The following ABCB5 variants were observed in gnomAD, a reference collection of about 807,000 sequenced individuals.
ABCB5 encodes ATP-binding cassette sub-family B member 5.
In ABCB5, 155 loss-of-function variants were observed where a neutral mutation model predicts 144.2. The observed-to-expected ratio is 1.08, with a 90% CI of 0.94 to 1.23. The LOEUF (loss-of-function observed/expected upper bound fraction) is 1.23. Among genes scored for constraint, ABCB5 ranks in the 50% most tolerant of loss-of-function variants. The probability of loss-of-function intolerance (pLI) is 0.00; values close to 1 mark genes in which losing one functional copy is unlikely to be tolerated. For synonymous variants in ABCB5, 610 were observed against 528.6 expected (o/e 1.15, Z -2.11); for missense variants, 1,830 against 1,520.8 (o/e 1.20, Z -3.38).
At chr7:20,651,334 C>T (rs893804052) in intron 12 of ABCB5, 86 bp from the exon 13 acceptor site, 56 of 1,183,664 alleles carry the variant, frequency 4.7e-5, no homozygotes, top group Admixed American at 1.5e-4. Flanking sequence ...TGCTACTTCT[C>T]AGCTTATATT....
At chr7:20,659,230 C>A (rs1784916312) in intron 14 of ABCB5, 1 of 1,559,518 alleles carries the variant, frequency 6.4e-7, no homozygotes, top group Non-Finnish European at 8.7e-7. Context: ...TGTGGCCCTG[C>A]ACCAAATTAC....
intron 20 of ABCB5, among the ~76,000 whole-genome samples, 171 bp from the exon 21 acceptor site, chr7:20,722,845 A>G (rs1781916478): frequency 6.6e-6 from 1 of 152,108 alleles, no homozygotes; most frequent in Admixed American, 6.5e-5. Flanking sequence ...AAATAAGTAA[A>G]TAAATAAAAA....
intron 13 of ABCB5, among the ~76,000 whole-genome samples, chr7:20,653,162 C>G (rs1386118720): frequency 6.6e-6 from 1 of 152,220 alleles, no homozygotes; most frequent in Non-Finnish European, 1.5e-5. Flanking sequence ...TCTGATGCCT[C>G]TTAAATCATA....
chr7:20,695,082 T>TA (rs1583431398), intron 16 of ABCB5, among the ~76,000 whole-genome samples: 1 of 151,996 alleles, frequency 6.6e-6, no homozygotes, highest in Non-Finnish European at 1.5e-5. Context: ...AAATTTTTTT[T>TA]AAAAAGAGCA....
chr7:20,642,968 A>G (rs974541674), intron 5 of ABCB5, among the ~76,000 whole-genome samples: 1 of 152,206 alleles, frequency 6.6e-6, no homozygotes, highest in Non-Finnish European at 1.5e-5. Context: ...TTAAAATACT[A>G]ATTTCTGATA....
In ABCB5 at chr7:20,713,927, T is replaced by C. The variant is rs1013945110; in HGVS notation, c.2422-9089T>C. 3.8e-5 allele frequency among the ~76,000 whole-genome samples: 5 copies of C among 130,110 alleles called. 1 individual carries two copies. Among genetic ancestry groups the C allele is most frequent in the Admixed American group, 7.4e-5 (1 of 13,526 alleles). The allele number at this position is 130,110 out of a possible 152,430, so 85.4% of individuals were successfully genotyped here. A position where few individuals can be genotyped will look rare whatever the true frequency, so the allele number is the denominator to read the frequency against. On this transcript the variant is annotated intron_variant, in intron 20 of 27. Coordinates refer to ENST00000404938, the MANE Select transcript of ABCB5 (RefSeq NM_001163941.2). ...TCTATGCTGCAAACTCTAGCTGACTTAGATTCCTGAGATTCTCAGCTTTGT... is the reference window on the plus strand; with the variant it reads ...TCTATGCTGCAAACTCTAGCTGACTCAGATTCCTGAGATTCTCAGCTTTGT...
intron 14 of ABCB5, among the ~76,000 whole-genome samples, chr7:20,673,423 T>A (rs1785511228): frequency 1.3e-5 from 2 of 152,070 alleles, no homozygotes; most frequent in African/African-American, 4.8e-5. Flanking sequence ...TATTTTGGTG[T>A]CATGTATTTT....
rs748824807 is a variant in ABCB5, at chr7:20,643,644, G to A, written c.678+12G>A. ...CAGCATGTTCTAGGGTAAGTGAGAT[G>A]GCTAATGCAATATTGAATGGAAGCA... On this transcript the variant is annotated intron_variant, in intron 7 of 27. Transcript: ENST00000404938. 1.9e-6 allele frequency: 3 copies of A among 1,613,156 alleles called. No individual in the cohort carries two copies. Among genetic ancestry groups the A allele is most frequent in the South Asian group, 1.1e-5 (1 of 91,038 alleles).
In ABCB5 at chr7:20,685,716, A is replaced by G. The variant is rs201874315; in HGVS notation, c.1890A>G (p.Glu630=). 1.9e-6 allele frequency: 3 copies of G among 1,610,112 alleles called. No individual in the cohort carries two copies. The highest frequency in any genetic ancestry group is 2.2e-5 in the East Asian group (1 of 44,834). The change falls in exon 16 of 28, where the codon GAA becomes GAG. Residue 630 remains glutamate (E), a synonymous_variant. Transcript: ENST00000404938. ...VMSQDIKKAD[E]QMESMTYSTE... ...GTAAGGATATTAAAAAAGCTGATGA[A>G]CAGATGGAGTCAATGACATATTCTA...
chr7:20,681,034 C>CTT (rs67072825), intron 14 of ABCB5, among the ~76,000 whole-genome samples: 6 of 23,128 alleles, frequency 2.6e-4, no homozygotes, highest in Admixed American at 1.0e-3. Flanking sequence ...TTCTTTCTTT[C>CTT]TCTTTCTTTC....
chr7:20,660,220 A>C, intron 14 of ABCB5: 1 of 985,164 alleles, frequency 1.0e-6, no homozygotes, highest in South Asian at 4.7e-5. Flanking sequence ...ATGTTTGTAA[A>C]CTGATTCCAA....
chr7:20,726,576 A>T (rs1363485270), intron 21 of ABCB5, among the ~76,000 whole-genome samples: 3 of 152,056 alleles, frequency 2.0e-5, no homozygotes, highest in Non-Finnish European at 4.4e-5. Flanking sequence ...CATGTTGGCC[A>T]GGCTGGTTTC....
chr7:20,689,110 G>C (rs1289835154), intron 16 of ABCB5, among the ~76,000 whole-genome samples: 2 of 151,980 alleles, frequency 1.3e-5, no homozygotes, highest in Non-Finnish European at 2.9e-5. Flanking sequence ...AGAACTTAAA[G>C]TATAATAATA....
intron 2 of ABCB5, among the ~76,000 whole-genome samples, chr7:20,625,347 A>G (rs745914029): frequency 5.3e-5 from 8 of 152,228 alleles, no homozygotes; most frequent in Middle Eastern, 3.4e-3. Context: ...ACTGTTCCCT[A>G]CAGTCTTCTC....
rs146936420 is a variant in ABCB5 at position 20,620,545 on chromosome 7, T to TAA, written c.-21-2712_-21-2711dup. ...TATAAAGAACACCTACAACTTACTA[T>TAA]AAAAAAAAACCAAAAACCTAATTTT... On this transcript the variant is annotated intron_variant, in intron 1 of 27. Coordinates refer to ENST00000404938, the MANE Select transcript of ABCB5 (RefSeq NM_001163941.2). Among the ~76,000 whole-genome samples the TAA allele has an allele frequency of 3.1e-3, 465 of 150,920 alleles. 11 individuals are homozygous for TAA. Among genetic ancestry groups the TAA allele is most frequent in the Admixed American group, 0.028 (421 of 15,140 alleles).
intron 13 of ABCB5, among the ~76,000 whole-genome samples, chr7:20,654,024 G>C (rs1429982027): frequency 6.6e-6 from 1 of 152,178 alleles, no homozygotes; most frequent in Non-Finnish European, 1.5e-5. Context: ...ACCAAGCCAT[G>C]ACAAGATGCC....
intron 5 of ABCB5, among the ~76,000 whole-genome samples, chr7:20,639,926 A>T (rs937791195): frequency 1.3e-5 from 2 of 152,186 alleles, no homozygotes; most frequent in Non-Finnish European, 2.9e-5. Flanking sequence ...CATTGAATCT[A>T]TAGATAAATT....
chr7:20,718,849 T>C (rs555661218), intron 20 of ABCB5, among the ~76,000 whole-genome samples: 365 of 152,218 alleles, frequency 2.4e-3, no homozygotes, highest in Non-Finnish European at 3.6e-3. Flanking sequence ...GTTGGGAGAA[T>C]TACACCTTTT....
At chr7:20,707,782 G>C (rs529915624) in intron 20 of ABCB5, among the ~76,000 whole-genome samples, 1 of 149,868 alleles carries the variant, frequency 6.7e-6, no homozygotes, top group Non-Finnish European at 1.5e-5. Flanking sequence ...TTATTACCTG[G>C]ACAATGGTAA....
Sources: gnomAD v4.1 joint callset for allele counts (sites outside exome capture counted in the v4.1 genomes callset) on GRCh38, gnomAD v4.1.1 for gene constraint, MANE v1.5 for transcripts, NCBI Gene and HGNC (gene_info 2026-07-23, HGNC 2026-07-21) for gene names.